Variants in ABCA7 observed in about 807,000 individuals in gnomAD.
ABCA7 encodes phospholipid-transporting ATPase ABCA7.
ABCA7 carries 261 observed loss-of-function variants against 227.6 expected under a neutral mutation model. That is an observed-to-expected ratio of 1.15 (90% confidence interval 1.04 to 1.27). ABCA7 has a LOEUF of 1.27. Ranked by LOEUF, ABCA7 falls within the 50% of genes most tolerant of loss-of-function variation. ABCA7 has a pLI of 0.00. For missense variants in ABCA7, 3,331 were observed against 2,924.5 expected, an observed-to-expected ratio of 1.14 and a Z score of -3.21; for synonymous variants, 1,488 against 1,279.7, an observed-to-expected ratio of 1.16 and a Z score of -3.47.
At chr19:1,048,832 C>CA in intron 16 of ABCA7, 63 bp from the exon 17 acceptor site, 15 of 968,682 alleles carry the variant, frequency 1.5e-5, no homozygotes, top group Middle Eastern at 2.3e-4. Flanking sequence ...AACAAAACCC[C>CA]AAAAAAAGCC....
chr19:1,041,785 G>C lies in ABCA7; in HGVS notation c.161-46G>C, dbSNP rs767415887. On this transcript the variant is annotated intron_variant, in intron 3 of 46. Coordinates refer to ENST00000263094, the MANE Select transcript of ABCA7 (RefSeq NM_019112.4). ...TGCCGGGCGACCCGATGGGGGTGGA[G>C]TCAGGCAGAGTCCACAGGGCCTCAG... 2.5e-6 allele frequency: 4 copies of C among 1,597,824 alleles called. No individual in the cohort carries two copies. In the South Asian group the frequency reaches 4.4e-5, roughly 18 times the overall value.
In ABCA7 at chr19:1,054,623, GC is replaced by G. The variant is rs2144876596; in HGVS notation, c.3782del (p.Pro1261LeufsTer112). On this transcript the variant is annotated frameshift_variant, in exon 28 of 47. Coordinates refer to ENST00000263094, the MANE Select transcript of ABCA7 (RefSeq NM_019112.4). LOFTEE classifies it high-confidence loss of function. This position sits in a 1 kb window ranked among gnomAD's most constrained non-coding sequence, Gnocchi z 4.8. ...TGGCCCTCGTGTTCAGCCTCATCGT[GC>G]CTCCTTTCGGGCACTACCCGGCTCT... ...GLALVFSLIV[P>X]PFGHYPALRL... 1 of 1,613,354 alleles carries G rather than the reference GC, an allele frequency of 6.2e-7. No individual in the cohort carries two copies. The highest frequency in any genetic ancestry group is 1.7e-5 in the Admixed American group (1 of 60,018).
chr19:1,055,304 CCTGT>C lies in ABCA7; in HGVS notation c.4162_4165del (p.Ser1388ThrfsTer15), dbSNP rs763745738. ...TGGTTCAGAACCTGACAGGCCGGAA[CCTGT>C]CTGACTTCCTGGTCAAGACCTACCC... On this transcript the variant is annotated frameshift_variant, in exon 30 of 47. Coordinates refer to ENST00000263094, the MANE Select transcript of ABCA7 (RefSeq NM_019112.4). LOFTEE classifies it high-confidence loss of function. 2.9e-5 allele frequency: 47 copies of C among 1,604,498 alleles called. No homozygotes were observed. Among genetic ancestry groups the C allele is most frequent in the Non-Finnish European group, 3.7e-5 (43 of 1,177,308 alleles).
chr19:1,044,772 G>T, intron 11 of ABCA7, 28 bp downstream of exon 11: 2 of 1,569,880 alleles, frequency 1.3e-6, no homozygotes, highest in Non-Finnish European at 1.7e-6. Context: ...TGCGGGGTCT[G>T]TTTCAGTGGG....
rs1350981449 is a variant in ABCA7 at position 1,054,379 on chromosome 19, C to T, written c.3726+38C>T. The T allele has an allele frequency of 4.5e-6, 7 of 1,568,166 alleles. No homozygotes were observed. The Admixed American group carries it at 1.2e-4, about 27-fold the overall frequency. ...AGCACCAGGGAGTCGCATGGGAGTCCCTGAGTTCCCTACCCTGGCCGTCCA... is the reference window on the plus strand; with the variant it reads ...AGCACCAGGGAGTCGCATGGGAGTCTCTGAGTTCCCTACCCTGGCCGTCCA... On this transcript the variant is annotated intron_variant, in intron 27 of 46. Transcript: ENST00000263094. The surrounding 1 kb of genome is among the most constrained non-coding windows in gnomAD (Gnocchi z 4.8).
Position 1,042,143 on chromosome 19 carries a change from C to A in ABCA7, c.382C>A (p.Leu128Met). 6.3e-7 allele frequency: 1 copy of A among 1,599,768 alleles called. No individual in the cohort carries two copies. Reference protein sequence around the residue: ...AHRTLAGLGKLIATLRAARST... With the variant: ...AHRTLAGLGKMIATLRAARST... ...CAGGACGCTGGCTGGCCTAGGGAAGCTGATCGCCACGCTGAGGGCTGCACG... is the reference window on the plus strand; with the variant it reads ...CAGGACGCTGGCTGGCCTAGGGAAGATGATCGCCACGCTGAGGGCTGCACG... The change falls in exon 5 of 47, where the codon CTG becomes ATG. Residue 128 changes from leucine to methionine, a missense_variant. By Grantham distance (15) the Leu-to-Met change is conservative. Coordinates refer to ENST00000263094, the MANE Select transcript of ABCA7 (RefSeq NM_019112.4).
intron 41 of ABCA7, 23 bp from the exon 42 acceptor site, chr19:1,062,149 G>A: frequency 1.2e-6 from 2 of 1,609,446 alleles, no homozygotes; most frequent in South Asian, 1.1e-5. Context: ...AGCTCTCTGA[G>A]CCCCCGGCGC....
In ABCA7 at chr19:1,042,386, C is replaced by G. The variant is rs747188678; in HGVS notation, c.487C>G (p.Leu163Val). 37 of 1,608,800 alleles carry G rather than the reference C, an allele frequency of 2.3e-5. No individual in the cohort carries two copies. The South Asian group carries it at 2.6e-4, about 11-fold the overall frequency. ...GGATGTCGCGGAGCTGCTGACGTCA[C>G]TGCTGCGCACGGTAGGGTGTCGGGG... ...MLDVAELLTS[L>V]LRTESLGLAL... The change falls in exon 6 of 47, where the codon CTG becomes GTG. Residue 163 changes from leucine to valine, a missense_variant. Coordinates refer to ENST00000263094, the MANE Select transcript of ABCA7 (RefSeq NM_019112.4).
chr19:1,049,138 C>A, intron 17 of ABCA7, 128 bp from the exon 18 acceptor site: 1 of 1,153,884 alleles, frequency 8.7e-7, no homozygotes, highest in South Asian at 1.5e-5. Context: ...ACACTGCGGT[C>A]CCCAAGCTCC....
In ABCA7 at chr19:1,065,414, A is replaced by G. The variant is rs1254023162; in HGVS notation, c.6430A>G (p.Thr2144Ala). ...QFLDDPSTAE[T>A]VL ...CCTCGATGACCCTAGCACTGCCGAG[A>G]CTGTGCTCTGAGCCTCCCTCCCCTG... Residue 2144 changes from threonine to alanine, a missense_variant, in exon 47 of 47, where the codon ACT becomes GCT. Physicochemically the swap from Thr to Ala is moderately conservative, Grantham distance 58. Transcript: ENST00000263094. The G allele has an allele frequency of 1.9e-5, 30 of 1,613,146 alleles. No individual in the cohort carries two copies. Among genetic ancestry groups the G allele is most frequent in the Non-Finnish European group, 8.5e-7 (1 of 1,179,898 alleles).
At position 1,063,557 on chromosome 19, in the gene ABCA7, G is replaced by A. The variant is rs1205177560; in HGVS notation, c.5726G>A (p.Gly1909Asp). 1.2e-6 allele frequency: 2 copies of A among 1,610,574 alleles called. No homozygotes were observed. Among genetic ancestry groups the A allele is most frequent in the East Asian group, 2.2e-5 (1 of 44,886 alleles). ...CCCACCCCACAGACCGCTGGCTCGG[G>A]CCTGGCGCGTCTGGGACTCTCATGG... ...EAQVAQTAGS[G>D]LARLGLSWYA... The change falls in exon 43 of 47, where the codon GGC becomes GAC. Residue 1909 changes from glycine (G) to aspartate (D), a missense_variant. Physicochemically the swap from Gly to Asp is moderately conservative, Grantham distance 94. Transcript: ENST00000263094.
In ABCA7 at chr19:1,056,512, ACCC is replaced by A. The variant is rs777017583; in HGVS notation, c.4586+14_4586+16del. 1 of 1,604,614 alleles carries A rather than the reference ACCC, an allele frequency of 6.2e-7. No individual in the cohort carries two copies. The highest frequency in any genetic ancestry group is 8.5e-7 in the Non-Finnish European group (1 of 1,175,678). ...CTGAGGGTGCACTGTGAGTCCCTCCACCCTGCATGTCCTACCCTGCACGTCCTA... is the reference window on the plus strand; with the variant it reads ...CTGAGGGTGCACTGTGAGTCCCTCCATGCATGTCCTACCCTGCACGTCCTA... On this transcript the variant is annotated intron_variant, in intron 33 of 46. Coordinates refer to ENST00000263094, the MANE Select transcript of ABCA7 (RefSeq NM_019112.4). This position sits in a 1 kb window ranked among gnomAD's most constrained non-coding sequence, Gnocchi z 4.3.
intron 17 of ABCA7, 114 bp downstream of exon 17, chr19:1,049,119 G>A: frequency 9.5e-7 from 1 of 1,048,244 alleles, no homozygotes; most frequent in Non-Finnish European, 1.4e-6. Context: ...CCTCACACCT[G>A]CCCTGAAGAC....
rs765158549 is a variant in ABCA7, at chr19:1,051,925, T to C, written c.2963-17T>C. 6.2e-7 allele frequency: 1 copy of C among 1,607,180 alleles called. No individual in the cohort carries two copies. Among genetic ancestry groups the C allele is most frequent in the Admixed American group, 1.7e-5 (1 of 59,914 alleles). On this transcript the variant is annotated splice_polypyrimidine_tract_variant and intron_variant, in intron 21 of 46. Transcript: ENST00000263094. ...CGGCGGCCTGATGGTAGTTGTGGGT[T>C]GGTCCCCCGTGCCTAGGTCGCACGC...
chr19:1,064,180 CT>C lies in ABCA7; in HGVS notation c.5972del (p.Leu1991ProfsTer9). On this transcript the variant is annotated frameshift_variant, in exon 45 of 47. Coordinates refer to ENST00000263094, the MANE Select transcript of ABCA7 (RefSeq NM_019112.4). LOFTEE classifies it high-confidence loss of function. ...TSHSMEECEALCSRLAIMVNG... is the reference protein window; with the variant it reads ...TSHSMEECEAXCSRLAIMVNG... ...CGACAGCATGGAGGAGTGTGAAGCG[CT>C]CTGCTCGCGCCTGGCCATCATGGTG... The C allele has an allele frequency of 1.3e-6, 2 of 1,576,528 alleles. No individual in the cohort carries two copies. Among genetic ancestry groups the C allele is most frequent in the Non-Finnish European group, 1.7e-6 (2 of 1,162,756 alleles).
chr19:1,060,239 A>G, intron 40 of ABCA7, among the ~76,000 whole-genome samples: 1 of 143,568 alleles, frequency 7.0e-6, no homozygotes, highest in African/African-American at 2.9e-5. Context: ...TTTGAGATGG[A>G]GTCTCACTGT....
Position 1,041,616 on chromosome 19 carries a change from A to C in ABCA7, c.160+13A>C, listed in dbSNP as rs770109695. The C allele has an allele frequency of 4.5e-5, 73 of 1,609,208 alleles. No homozygotes were observed. The highest frequency in any genetic ancestry group is 5.9e-5 in the Non-Finnish European group (70 of 1,178,990). On this transcript the variant is annotated intron_variant, in intron 3 of 46. Coordinates refer to ENST00000263094, the MANE Select transcript of ABCA7 (RefSeq NM_019112.4). ...GAGCACCATGAATGTGAGCCCCCCC[A>C]GGGACCAGGCACTTTGTGTGTGTAG...
In ABCA7 at chr19:1,054,227, G is replaced by T; in HGVS notation, c.3612G>T (p.Gly1204=). 5 of 1,608,402 alleles carry T rather than the reference G, an allele frequency of 3.1e-6. No individual in the cohort carries two copies. The highest frequency in any genetic ancestry group is 4.2e-6 in the Non-Finnish European group (5 of 1,177,228). Reference sequence around the variant, plus strand: ...CCCCAGAGACTGACCAGGGCTCTGGGCCAGACGCCGTGGGCCGGGTACAGG... The same window carrying T: ...CCCCAGAGACTGACCAGGGCTCTGGTCCAGACGCCGTGGGCCGGGTACAGG... The part of the protein sequence containing the change: ...GSAPETDQGS[G]PDAVGRVQGW... The change falls in exon 27 of 47, where the codon GGG becomes GGT. Residue 1204 remains glycine, a synonymous_variant. Transcript: ENST00000263094. This position sits in a 1 kb window ranked among gnomAD's most constrained non-coding sequence, Gnocchi z 4.8.
Position 1,044,998 on chromosome 19 carries a change from A to C in ABCA7, c.1216-4A>C, listed in dbSNP as rs755304837. Reference sequence around the variant, plus strand: ...CGCCTAGGACTCACCCCCGCATCCCACAGTGCCTGTCCTTGGACAAGCTGG... The same window carrying C: ...CGCCTAGGACTCACCCCCGCATCCCCCAGTGCCTGTCCTTGGACAAGCTGG... On this transcript the variant is annotated splice_region_variant and splice_polypyrimidine_tract_variant and intron_variant, in intron 11 of 46. Transcript: ENST00000263094. 3.1e-6 allele frequency: 5 copies of C among 1,612,224 alleles called. No individual in the cohort carries two copies. The South Asian group carries it at 5.5e-5, about 18-fold the overall frequency.
Sources: gnomAD v4.1 joint callset for allele counts (sites outside exome capture counted in the v4.1 genomes callset) on GRCh38, gnomAD v4.1.1 for gene constraint, Gnocchi (gnomAD v3.1) non-coding constraint, MANE v1.5 for transcripts, NCBI Gene and HGNC (gene_info 2026-07-23, HGNC 2026-07-21) for gene names.